Variants in NBAS observed in about 807,000 individuals in gnomAD.
The protein encoded by NBAS is NBAS subunit of NRZ tethering complex.
NBAS carries 219 observed loss-of-function variants against 302.5 expected under a neutral mutation model. That is an observed-to-expected ratio of 0.72 (90% CI 0.65 to 0.81). The LOEUF is 0.81. Ranked by LOEUF, NBAS falls within the 30% of genes least tolerant of loss-of-function variation. The pLI is 0.00. For synonymous variants in NBAS, 1,118 were observed against 1,021.6 expected (o/e 1.09, Z -1.80); for missense variants, 2,932 against 2,841.6 (o/e 1.03, Z -0.72).
the NBAS span, among the ~76,000 whole-genome samples, chr2:14,958,239 C>G: frequency 6.6e-6 from 1 of 152,216 alleles, no homozygotes; most frequent in African/African-American, 2.4e-5. Context: ...CAGGTGAGAG[C>G]AGGAGACCCG....
the NBAS span, among the ~76,000 whole-genome samples, chr2:14,799,958 T>A: frequency 2.0e-5 from 3 of 152,146 alleles, no homozygotes; most frequent in African/African-American, 7.2e-5. Context: ...ATATTTAACA[T>A]GTATGTCTTG....
chr2:15,452,252 A>T (rs912622632), intron 21 of NBAS, among the ~76,000 whole-genome samples: 2 of 152,208 alleles, frequency 1.3e-5, no homozygotes, highest in Non-Finnish European at 2.9e-5. Context: ...GGCAAATTTT[A>T]TGTTAGGTGT....
chr2:15,177,006 G>C (rs866521835), intron 51 of NBAS, among the ~76,000 whole-genome samples: 8 of 152,218 alleles, frequency 5.3e-5, no homozygotes, highest in African/African-American at 1.9e-4. Flanking sequence ...AGATGGGCTA[G>C]CCTAATGTGA....
At chr2:14,986,265 T>C in the NBAS span, among the ~76,000 whole-genome samples, 1 of 151,828 alleles carries the variant, frequency 6.6e-6, no homozygotes, top group African/African-American at 2.4e-5. Flanking sequence ...ACTAAAAAGA[T>C]ATGGATTGAA....
intron 21 of NBAS, among the ~76,000 whole-genome samples, chr2:15,445,205 T>G (rs563549365): frequency 4.0e-5 from 6 of 149,484 alleles, no homozygotes; most frequent in Admixed American, 1.3e-4. Context: ...CACATGCACA[T>G]GTATGTTTAT....
At chr2:15,030,994 C>T in the NBAS span, among the ~76,000 whole-genome samples, 3 of 152,224 alleles carry the variant, frequency 2.0e-5, no homozygotes, top group Admixed American at 6.5e-5. Flanking sequence ...TTGTCCCCGG[C>T]ACTGCCTCAG....
At chr2:15,396,225 A>G (rs1373745468) in intron 27 of NBAS, among the ~76,000 whole-genome samples, 188 bp downstream of exon 27, 1 of 152,158 alleles carries the variant, frequency 6.6e-6, no homozygotes, top group Non-Finnish European at 1.5e-5. Context: ...AGACCATGTT[A>G]TTATTCTATT....
chr2:15,475,948 A>C, intron 13 of NBAS, 68 bp from the exon 14 acceptor site: 1 of 1,244,700 alleles, frequency 8.0e-7, no homozygotes, highest in Non-Finnish European at 1.1e-6. Flanking sequence ...AATATTTAGT[A>C]TAATAATCAA....
chr2:15,065,889 C>T, the NBAS span, among the ~76,000 whole-genome samples: 3 of 152,072 alleles, frequency 2.0e-5, no homozygotes, highest in Non-Finnish European at 4.4e-5. Context: ...ATAGAAAATC[C>T]TAAAATTAAT....
the NBAS span, among the ~76,000 whole-genome samples, chr2:15,017,695 G>A: frequency 6.6e-6 from 1 of 151,920 alleles, no homozygotes; most frequent in Non-Finnish European, 1.5e-5. Flanking sequence ...TTAGGGAACT[G>A]TGGGAATGTA....
chr2:15,275,391 A>G (rs1020956483), intron 44 of NBAS, 93 bp downstream of exon 44: 21 of 1,354,852 alleles, frequency 1.5e-5, no homozygotes, highest in African/African-American at 3.0e-5. Flanking sequence ...ATTATTTTCA[A>G]GAAAGGAAAC....
chr2:14,817,560 A>G, the NBAS span, among the ~76,000 whole-genome samples: 1 of 152,238 alleles, frequency 6.6e-6, no homozygotes, highest in Non-Finnish European at 1.5e-5. Context: ...TGAATTAAAC[A>G]GTAAATAAAT....
At chr2:14,967,272 AT>A in the NBAS span, among the ~76,000 whole-genome samples, 1 of 152,016 alleles carries the variant, frequency 6.6e-6, no homozygotes, top group African/African-American at 2.4e-5. Context: ...TACTAGCAGA[AT>A]TTTTTTTATA....
the NBAS span, among the ~76,000 whole-genome samples, chr2:15,160,184 G>A: frequency 6.6e-6 from 1 of 152,102 alleles, no homozygotes; most frequent in Admixed American, 6.5e-5. Flanking sequence ...TTGCAGGGAG[G>A]AGATCCTGGA....
At chr2:15,228,719 A>G (rs2147916043) in intron 47 of NBAS, among the ~76,000 whole-genome samples, 1 of 152,334 alleles carries the variant, frequency 6.6e-6, no homozygotes, top group East Asian at 1.9e-4. Flanking sequence ...AAGTGAGATG[A>G]GCCAGGCACA....
the NBAS span, among the ~76,000 whole-genome samples, chr2:15,075,041 G>A: frequency 1.3e-5 from 2 of 152,058 alleles, no homozygotes; most frequent in Non-Finnish European, 2.9e-5. Flanking sequence ...TCTTCAAATC[G>A]GCAATTCTAC....
chr2:14,873,527 TG>T, the NBAS span, among the ~76,000 whole-genome samples: 1 of 152,182 alleles, frequency 6.6e-6, no homozygotes, highest in South Asian at 2.1e-4. Context: ...AGAATATGCA[TG>T]CTTGTGCACA....
intron 6 of NBAS, among the ~76,000 whole-genome samples, chr2:15,548,578 G>C (rs1352433703): frequency 2.0e-5 from 3 of 152,130 alleles, no homozygotes; most frequent in Non-Finnish European, 4.4e-5. Context: ...GGGAGGCAGA[G>C]GGTGCAGTGA....
At chr2:15,007,631 A>G in the NBAS span, among the ~76,000 whole-genome samples, 5 of 152,122 alleles carry the variant, frequency 3.3e-5, no homozygotes, top group Admixed American at 2.0e-4. Context: ...TGAGCTTCTA[A>G]TCTCATCAGA....
Sources: allele counts gnomAD v4.1 joint callset (sites outside exome capture counted in the v4.1 genomes callset), GRCh38; gene constraint gnomAD v4.1.1; transcripts MANE v1.5; gene names NCBI Gene and HGNC (gene_info 2026-07-23, HGNC 2026-07-21).